NEGR1: variants seen among roughly 807,000 people sequenced by gnomAD.
The protein encoded by NEGR1 is neuronal growth regulator 1.
Under a neutral mutation model 40.9 loss-of-function variants are expected in NEGR1, and 10 were observed. The observed-to-expected ratio is 0.24, with a 90% CI of 0.15 to 0.42. The LOEUF is 0.42. Among genes scored for constraint, NEGR1 ranks in the 10% least tolerant of loss-of-function variants. The pLI is 1.00. For missense variants in NEGR1, 352 were observed against 438.9 expected (o/e 0.80, Z 1.77); for synonymous variants, 185 against 166.8 (o/e 1.11, Z -0.84).
At chr1:71,473,427 A>G (rs993500210) in intron 6 of NEGR1, among the ~76,000 whole-genome samples, 1 of 152,070 alleles carries the variant, frequency 6.6e-6, no homozygotes, top group African/African-American at 2.4e-5. Context: ...CAACCAGTGA[A>G]CCTGTCAACC....
At chr1:71,837,467 T>A (rs933641668) in intron 2 of NEGR1, among the ~76,000 whole-genome samples, 1 of 152,066 alleles carries the variant, frequency 6.6e-6, no homozygotes, top group African/African-American at 2.4e-5. Context: ...CTTTAGACTT[T>A]TTTTGTTGCC....
At chr1:71,703,993 G>T (rs964703905) in intron 3 of NEGR1, among the ~76,000 whole-genome samples, 3 of 151,724 alleles carry the variant, frequency 2.0e-5, no homozygotes, top group Non-Finnish European at 2.9e-5. Context: ...TCATACAAAA[G>T]AATATCATAA....
chr1:71,938,009 GA>G (rs1645923799), intron 1 of NEGR1, among the ~76,000 whole-genome samples: 1 of 151,282 alleles, frequency 6.6e-6, no homozygotes, highest in South Asian at 2.1e-4. Flanking sequence ...TCTTCATGAT[GA>G]AAAAAATGAA....
intron 4 of NEGR1, among the ~76,000 whole-genome samples, chr1:71,636,857 C>A (rs1405973370): frequency 6.6e-6 from 1 of 152,140 alleles, no homozygotes; most frequent in Middle Eastern, 3.4e-3. Context: ...TTAGAGGAAT[C>A]TTTTGCCACA....
chr1:71,698,156 A>G lies in NEGR1; in HGVS notation c.536-17T>C. 2 of 1,607,094 alleles carry G rather than the reference A, an allele frequency of 1.2e-6. No individual in the cohort carries two copies. Among genetic ancestry groups the G allele is most frequent in the South Asian group, 2.2e-5 (2 of 90,362 alleles). On this transcript the variant is annotated splice_polypyrimidine_tract_variant and intron_variant, in intron 3 of 6. Coordinates refer to ENST00000357731, the MANE Select transcript of NEGR1 (RefSeq NM_173808.3). ...ATGGTTTTGCTATAAAAAAGAATAC[A>G]GCATGTTTAATTGTAGCCGCCTGAG...
chr1:71,436,012 G>A (rs1646506870), intron 6 of NEGR1, among the ~76,000 whole-genome samples: 1 of 152,136 alleles, frequency 6.6e-6, no homozygotes, highest in African/African-American at 2.4e-5. Flanking sequence ...GATTGTCAAT[G>A]TTATGGAAGA....
At chr1:71,660,366 G>A (rs887059241) in intron 4 of NEGR1, among the ~76,000 whole-genome samples, 2 of 151,820 alleles carry the variant, frequency 1.3e-5, no homozygotes, top group African/African-American at 4.8e-5. Flanking sequence ...AGAAAAGATA[G>A]CTATTGGATA....
chr1:71,754,750 CTT>C (rs560238659), intron 3 of NEGR1, among the ~76,000 whole-genome samples: 1 of 151,822 alleles, frequency 6.6e-6, no homozygotes. Flanking sequence ...ATAATAGACA[CTT>C]TTCCATATAT....
intron 4 of NEGR1, among the ~76,000 whole-genome samples, chr1:71,630,013 A>C (rs1650921003): frequency 6.6e-6 from 1 of 151,956 alleles, no homozygotes; most frequent in Admixed American, 6.6e-5. Context: ...GAAATAGCAC[A>C]ATTTCTGTGT....
At chr1:71,562,802 C>T (rs1184535017) in intron 6 of NEGR1, among the ~76,000 whole-genome samples, 2 of 151,956 alleles carry the variant, frequency 1.3e-5, no homozygotes, top group Non-Finnish European at 2.9e-5. Flanking sequence ...TTCTTGCTCA[C>T]GTAAACAGTT....
chr1:71,435,007 C>T (rs1202661124), intron 6 of NEGR1, among the ~76,000 whole-genome samples: 2 of 151,894 alleles, frequency 1.3e-5, no homozygotes. Context: ...AGGAGAATGG[C>T]GTGAACCTGG....
chr1:71,752,908 A>G (rs182951237), intron 3 of NEGR1, among the ~76,000 whole-genome samples: 1 of 152,300 alleles, frequency 6.6e-6, no homozygotes, highest in East Asian at 1.9e-4. Context: ...TGTGAAAATT[A>G]TTCTACAATA....
At chr1:71,580,254 C>T (rs1649091254) in intron 6 of NEGR1, among the ~76,000 whole-genome samples, 2 of 146,688 alleles carry the variant, frequency 1.4e-5, no homozygotes, top group Non-Finnish European at 3.0e-5. Flanking sequence ...GGGAATTGAA[C>T]AATGAGAACA....
intron 2 of NEGR1, among the ~76,000 whole-genome samples, chr1:71,896,423 A>G (rs1211170922): frequency 2.6e-5 from 4 of 152,092 alleles, no homozygotes; most frequent in Non-Finnish European, 1.5e-5. Context: ...GAGCTGTAAG[A>G]TTTCTTTGTA....
intron 2 of NEGR1, among the ~76,000 whole-genome samples, chr1:71,871,379 C>T (rs1179169402): frequency 6.6e-6 from 1 of 152,112 alleles, no homozygotes; most frequent in Non-Finnish European, 1.5e-5. Context: ...GTGTGGACTA[C>T]AATGTTTCAG....
At chr1:71,540,568 G>A (rs1037926993) in intron 6 of NEGR1, among the ~76,000 whole-genome samples, 2 of 151,660 alleles carry the variant, frequency 1.3e-5, no homozygotes, top group Non-Finnish European at 1.5e-5. Flanking sequence ...CAAGGGCTTA[G>A]CAAAAGACCC....
At chr1:71,945,477 A>G (rs780313488) in intron 1 of NEGR1, among the ~76,000 whole-genome samples, 18 of 152,180 alleles carry the variant, frequency 1.2e-4, no homozygotes, top group Non-Finnish European at 2.4e-4. Context: ...GGCTTGATGT[A>G]GCAAAACTTT....
At chr1:72,022,352 C>A (rs979475085) in intron 1 of NEGR1, among the ~76,000 whole-genome samples, 5 of 139,224 alleles carry the variant, frequency 3.6e-5, no homozygotes, top group Non-Finnish European at 7.7e-5. Flanking sequence ...AGAATAATAC[C>A]ATTTAAACAC....
intron 2 of NEGR1, among the ~76,000 whole-genome samples, chr1:71,813,375 A>C (rs757380690): frequency 5.3e-5 from 8 of 152,118 alleles, no homozygotes; most frequent in Non-Finnish European, 1.0e-4. Context: ...TGATGCCTCC[A>C]GCTTTTTTCT....
Sources: gnomAD v4.1 joint callset for allele counts (sites outside exome capture counted in the v4.1 genomes callset) on GRCh38, gnomAD v4.1.1 for gene constraint, MANE v1.5 for transcripts, NCBI Gene and HGNC (gene_info 2026-07-23, HGNC 2026-07-21) for gene names.